The following TALDO1 variants were observed in gnomAD, a reference collection of about 807,000 sequenced individuals.
The protein encoded by TALDO1 is transaldolase 1.
TALDO1 carries 29 observed loss-of-function variants against 38.1 expected under a neutral mutation model. The observed-to-expected ratio is 0.76, with a 90% CI of 0.57 to 1.04. TALDO1 has a LOEUF of 1.04. TALDO1 is among the 50% of genes least tolerant of loss of function. The probability of loss-of-function intolerance (pLI) is 0.00; values close to 1 mark genes in which losing one functional copy is unlikely to be tolerated. For missense variants in TALDO1, 499 were observed against 438.1 expected, an observed-to-expected ratio of 1.14 and a Z score of -1.24; for synonymous variants, 207 against 176.8, an observed-to-expected ratio of 1.17 and a Z score of -1.36.
chr11:756,369 G>A (rs765300841), intron 2 of TALDO1: 36 of 269,870 alleles, frequency 1.3e-4, no homozygotes, highest in African/African-American at 4.4e-4. Context: ...ACGGAGTCTC[G>A]CTGTGTCACC....
intron 1 of TALDO1, among the ~76,000 whole-genome samples, chr11:753,505 T>A (rs1315306541): frequency 6.7e-6 from 1 of 150,010 alleles, no homozygotes; most frequent in Non-Finnish European, 1.5e-5. Flanking sequence ...CAGTCCGGCG[T>A]GGGTGAAAGA....
rs189556351 is a variant in TALDO1 at position 761,283 on chromosome 11, C to T, written c.461+1030C>T. The stretch of plus-strand genomic sequence containing the variant: ...CCTGGGAGGTGGACGTTGCAGTGAG[C>T]CGAGATTGCACCATTGTACTCCAGC... On this transcript the variant is annotated intron_variant, in intron 4 of 7. Coordinates refer to ENST00000319006, the MANE Select transcript of TALDO1 (RefSeq NM_006755.2). Among the ~76,000 whole-genome samples the T allele has an allele frequency of 2.2e-4, 33 of 150,754 alleles. No individual in the cohort carries two copies. In the East Asian group the frequency reaches 2.5e-3, roughly 12 times the overall value.
At chr11:747,662 G>C (rs1862684479) in intron 1 of TALDO1, 84 bp downstream of exon 1, 1 of 1,254,204 alleles carries the variant, frequency 8.0e-7, no homozygotes, top group East Asian at 2.8e-5. Flanking sequence ...TCCCGTTCCG[G>C]GACGCGGACC....
At chr11:750,892 G>A (rs1333516827) in intron 1 of TALDO1, among the ~76,000 whole-genome samples, 2 of 152,070 alleles carry the variant, frequency 1.3e-5, no homozygotes, top group African/African-American at 4.8e-5. Context: ...GGGTGTCAAT[G>A]GCCATAACTC....
chr11:758,161 GT>G (rs1216030345), intron 2 of TALDO1, among the ~76,000 whole-genome samples: 1 of 152,196 alleles, frequency 6.6e-6, no homozygotes, highest in Admixed American at 6.5e-5. Context: ...GCGGGCGCCT[GT>G]AGTCCCAGCT....
rs11302 is a variant in TALDO1 at position 764,414 on chromosome 11, A to G, written c.962A>G (p.Lys321Arg). Residue 321 changes from lysine to arginine, a missense_variant, in exon 7 of 8, where the codon AAG becomes AGG. Lys to Arg is a conservative substitution (Grantham distance 26, BLOSUM62 2). Coordinates refer to ENST00000319006, the MANE Select transcript of TALDO1 (RefSeq NM_006755.2). Reference sequence around the variant, plus strand: ...CGCAAGTTTGCCGCTGATGCAGTGAAGCTGGAGCGGATGCTGACAGTGAGT... The same window carrying G: ...CGCAAGTTTGCCGCTGATGCAGTGAGGCTGGAGCGGATGCTGACAGTGAGT... ...GIRKFAADAV[K>R]LERMLTERMF... 5.6e-3 allele frequency: 9,087 copies of G among 1,611,302 alleles called. 73 individuals carry two copies. The highest frequency in any genetic ancestry group is 0.029 in the African/African-American group (2,143 of 74,864).
intron 1 of TALDO1, among the ~76,000 whole-genome samples, chr11:751,832 AT>A (rs1487200700): frequency 6.6e-6 from 1 of 151,972 alleles, no homozygotes; most frequent in Non-Finnish European, 1.5e-5. Context: ...CATCAACCTC[AT>A]TTTGATGGTA....
chr11:755,928 C>A lies in TALDO1; in HGVS notation c.147C>A (p.Ile49=). The A allele has an allele frequency of 6.2e-7, 1 of 1,614,190 alleles. No homozygotes were observed. Among genetic ancestry groups the A allele is most frequent in the Non-Finnish European group, 8.5e-7 (1 of 1,180,040 alleles). The part of the protein sequence containing the change: ...PQDATTNPSL[I]LAAAQMPAYQ... ...ATGCTACCACCAACCCGTCCCTGAT[C>A]CTGGCCGCAGCACAGATGCCCGCTT... Residue 49 remains isoleucine, a synonymous_variant, in exon 2 of 8, where the codon ATC becomes ATA. Coordinates refer to ENST00000319006, the MANE Select transcript of TALDO1 (RefSeq NM_006755.2).
At chr11:756,818 TTTTAA>T (rs2133574479) in intron 2 of TALDO1, among the ~76,000 whole-genome samples, 2 of 152,212 alleles carry the variant, frequency 1.3e-5, no homozygotes, top group South Asian at 4.1e-4. Flanking sequence ...GTGCCTGGCT[TTTTAA>T]TTTTTTAATA....
rs1347934108 is a variant in TALDO1 at position 764,899 on chromosome 11, C to G, written c.*54C>G. ...GCACCGCCGGCCAGCTGGGATCTGA[C>G]TGCACGTGGCTTCTGATGAATCTTG... On this transcript the variant is annotated 3_prime_UTR_variant, in exon 8 of 8. Transcript: ENST00000319006. The G allele has an allele frequency of 1.9e-6, 3 of 1,610,294 alleles. No homozygotes were observed. The African/African-American group carries it at 4.0e-5, about 22-fold the overall frequency.
chr11:751,651 C>T (rs893474910), intron 1 of TALDO1, among the ~76,000 whole-genome samples: 4 of 152,038 alleles, frequency 2.6e-5, no homozygotes, highest in African/African-American at 7.2e-5. Flanking sequence ...AAAAATTAGC[C>T]GGGTATGGTG....
At chr11:764,684 T>G in intron 7 of TALDO1, 129 bp from the exon 8 acceptor site, 1 of 1,468,578 alleles carries the variant, frequency 6.8e-7, no homozygotes, top group Non-Finnish European at 9.5e-7. Context: ...TTGGCCACCC[T>G]GTGGCCGTGG....
At chr11:760,659 G>C (rs1054749322) in intron 4 of TALDO1, 1 of 229,988 alleles carries the variant, frequency 4.3e-6, no homozygotes, top group Non-Finnish European at 8.8e-6. Context: ...TGTAATCCCA[G>C]CAATTTGGGA....
chr11:752,656 C>T (rs1318009530), intron 1 of TALDO1, among the ~76,000 whole-genome samples: 1 of 152,138 alleles, frequency 6.6e-6, no homozygotes, highest in African/African-American at 2.4e-5. Flanking sequence ...GGGTGGTGCA[C>T]CCAGGGTGGG....
chr11:761,283 C>CCGAG (rs1344333802), intron 4 of TALDO1, among the ~76,000 whole-genome samples: 1 of 150,646 alleles, frequency 6.6e-6, no homozygotes, highest in Non-Finnish European at 1.5e-5. Flanking sequence ...TTGCAGTGAG[C>CCGAG]CGAGATTGCA....
chr11:752,616 C>T (rs1204177447), intron 1 of TALDO1: 1 of 152,158 alleles, frequency 6.6e-6, no homozygotes, highest in African/African-American at 2.4e-5. Context: ...AGGGAGCTTC[C>T]AAATACCTGA....
Position 755,930 on chromosome 11 carries a change from T to C in TALDO1, c.149T>C (p.Leu50Pro). ...QDATTNPSLI[L>P]AAAQMPAYQE... ...GCTACCACCAACCCGTCCCTGATCC[T>C]GGCCGCAGCACAGATGCCCGCTTAC... Residue 50 changes from leucine to proline, a missense_variant, in exon 2 of 8, where the codon CTG becomes CCG. By Grantham distance (98) the Leu-to-Pro change is moderately conservative. Transcript: ENST00000319006. 6.2e-7 allele frequency: 1 copy of C among 1,614,180 alleles called. No individual in the cohort carries two copies. The highest frequency in any genetic ancestry group is 8.5e-7 in the Non-Finnish European group (1 of 1,180,026).
At chr11:757,425 T>G (rs1334341290) in intron 2 of TALDO1, among the ~76,000 whole-genome samples, 2 of 151,924 alleles carry the variant, frequency 1.3e-5, no homozygotes, top group Admixed American at 1.3e-4. Flanking sequence ...CCCAAGTAGC[T>G]GGGACTACAG....
intron 5 of TALDO1, 80 bp from the exon 6 acceptor site, chr11:763,667 G>A: frequency 1.0e-5 from 16 of 1,575,968 alleles, no homozygotes; most frequent in Non-Finnish European, 1.4e-5. Context: ...TCAAGGTAGT[G>A]CAGCCGGCAG....
Sources: gnomAD v4.1 joint callset for allele counts (sites outside exome capture counted in the v4.1 genomes callset) on GRCh38, gnomAD v4.1.1 for gene constraint, MANE v1.5 for transcripts, NCBI Gene and HGNC (gene_info 2026-07-23, HGNC 2026-07-21) for gene names.